LMO7: variants seen among roughly 807,000 people sequenced by gnomAD.
LMO7 encodes LIM domain 7.
LMO7 carries 120 observed loss-of-function variants against 206.5 expected under a neutral mutation model. That is an observed-to-expected ratio of 0.58 (90% CI 0.50 to 0.68). The LOEUF (loss-of-function observed/expected upper bound fraction) is 0.68. Among genes scored for constraint, LMO7 ranks in the 30% least tolerant of loss-of-function variants. LMO7 has a pLI of 0.00. For synonymous variants in LMO7, 706 were observed against 681.5 expected (o/e 1.04, Z -0.56); for missense variants, 1,959 against 1,957.9 (o/e 1.00, Z -0.01).
intron 23 of LMO7, 45 bp downstream of exon 23, chr13:75,841,246 G>T: frequency 2.4e-6 from 3 of 1,257,242 alleles, no homozygotes; most frequent in African/African-American, 1.5e-5. Context: ...TCTTTACCTT[G>T]TTGGTGAGAT....
chr13:75,741,269 A>G (rs569276593), intron 3 of LMO7, among the ~76,000 whole-genome samples: 1 of 152,364 alleles, frequency 6.6e-6, no homozygotes, highest in Non-Finnish European at 1.5e-5. Flanking sequence ...TAAAAACAAA[A>G]CACCAATAAC....
intron 26 of LMO7, among the ~76,000 whole-genome samples, chr13:75,845,964 A>G (rs2059961022): frequency 6.6e-6 from 1 of 152,194 alleles, no homozygotes. Flanking sequence ...CTGGTCATTT[A>G]CATGAATGAA....
intron 1 of LMO7, among the ~76,000 whole-genome samples, chr13:75,699,404 A>AT (rs57799165): frequency 0.031 from 4,444 of 141,786 alleles, 80 homozygotes; most frequent in Middle Eastern, 0.092. Context: ...AAGATAGAAG[A>AT]TTTTTTTTTT....
At position 75,856,489 on chromosome 13, in the gene LMO7, T is replaced by C; in HGVS notation, c.4771-17T>C. On this transcript the variant is annotated splice_polypyrimidine_tract_variant and intron_variant, in intron 29 of 30. Coordinates refer to ENST00000377534, the MANE Select transcript of LMO7 (RefSeq NM_001306080.2). ...GAGCTGACTGATTGTAGATGTTCTTTTTTTTTTGTTCCCCAGTGTGTTGCC... is the reference window on the plus strand; with the variant it reads ...GAGCTGACTGATTGTAGATGTTCTTCTTTTTTTGTTCCCCAGTGTGTTGCC... 6.5e-7 allele frequency: 1 copy of C among 1,532,940 alleles called. No individual in the cohort carries two copies. Among genetic ancestry groups the C allele is most frequent in the Non-Finnish European group, 9.0e-7 (1 of 1,107,656 alleles). The allele number at this position is 1,532,940 out of a possible 1,614,324, so 95.0% of individuals were successfully genotyped here. A position where few individuals can be genotyped will look rare whatever the true frequency, so the allele number is the denominator to read the frequency against.
At chr13:75,687,093 A>G (rs1002909855) in intron 1 of LMO7, among the ~76,000 whole-genome samples, 1 of 152,274 alleles carries the variant, frequency 6.6e-6, no homozygotes, top group Non-Finnish European at 1.5e-5. Flanking sequence ...CCATCCTGTC[A>G]GGAAGTGAGG....
chr13:75,726,901 A>T (rs2044526467), intron 2 of LMO7, 128 bp from the exon 3 acceptor site: 1 of 650,108 alleles, frequency 1.5e-6, no homozygotes, highest in Non-Finnish European at 2.8e-6. Flanking sequence ...TTGCTTTTTG[A>T]TGGGCTGTTG....
At position 75,841,608 on chromosome 13, in the gene LMO7, T is replaced by G. The variant is rs1463129581; in HGVS notation, c.3676-20T>G. The stretch of plus-strand genomic sequence containing the variant: ...AAATAAACAGATTTAGATGGATTTC[T>G]TTTTTCACTGGTCACCTAGGAACTG... On this transcript the variant is annotated intron_variant, in intron 23 of 30. Transcript: ENST00000377534. 1.3e-6 allele frequency: 2 copies of G among 1,517,948 alleles called. No homozygotes were observed. Among genetic ancestry groups the G allele is most frequent in the Non-Finnish European group, 1.8e-6 (2 of 1,116,010 alleles). The allele number at this position is 1,517,948 out of a possible 1,614,324, so 94.0% of individuals were successfully genotyped here. A position where few individuals can be genotyped will look rare whatever the true frequency, so the allele number is the denominator to read the frequency against.
chr13:75,838,576 A>G lies in LMO7; in HGVS notation c.3451+380A>G, dbSNP rs575428830. On this transcript the variant is annotated intron_variant, in intron 20 of 30. Coordinates refer to ENST00000377534, the MANE Select transcript of LMO7 (RefSeq NM_001306080.2). ...CTTCCTACAAATTGCATAATATTAG[A>G]TTACACCAACATGCAATTGGCCAAG... 2.2e-3 allele frequency: 499 copies of G among 222,512 alleles called. 3 individuals carry two copies. Among genetic ancestry groups the G allele is most frequent in the Non-Finnish European group, 3.4e-3 (385 of 112,284 alleles). 13.8% of individuals were successfully genotyped at this position (222,512 alleles called of 1,614,324 possible). A position where few individuals can be genotyped will look rare whatever the true frequency, so the allele number is the denominator to read the frequency against.
At chr13:75,765,173 G>A (rs942421581) in intron 4 of LMO7, among the ~76,000 whole-genome samples, 2 of 152,110 alleles carry the variant, frequency 1.3e-5, no homozygotes, top group Non-Finnish European at 2.9e-5. Flanking sequence ...GTTCCCAGAT[G>A]GCACTCTGTT....
At chr13:75,841,552 T>C (rs2059557935) in intron 23 of LMO7, 76 bp from the exon 24 acceptor site, 1 of 1,074,088 alleles carries the variant, frequency 9.3e-7, no homozygotes, top group Non-Finnish European at 1.4e-6. Flanking sequence ...CATCTAAAAC[T>C]GAATATATAT....
intron 1 of LMO7, among the ~76,000 whole-genome samples, chr13:75,667,346 A>G (rs2039159393): frequency 6.6e-6 from 1 of 151,984 alleles, no homozygotes; most frequent in Admixed American, 6.6e-5. Context: ...ATTTTATCAA[A>G]TATTATTTTC....
chr13:75,855,995 G>T (rs2060901717), intron 29 of LMO7, among the ~76,000 whole-genome samples: 2 of 152,208 alleles, frequency 1.3e-5, no homozygotes, highest in African/African-American at 2.4e-5. Context: ...GCTGGCTTGG[G>T]CTGTTCCTAG....
Position 75,845,355 on chromosome 13 carries a change from G to T in LMO7, c.4126G>T (p.Asp1376Tyr). Residue 1376 changes from aspartate (D) to tyrosine (Y), a missense_variant, in exon 26 of 31, where the codon GAT becomes TAT. By Grantham distance (160) the Asp-to-Tyr change is radical (BLOSUM62 -3). Coordinates refer to ENST00000377534, the MANE Select transcript of LMO7 (RefSeq NM_001306080.2). The part of the protein sequence containing the change: ...RNKSRSTTEL[D>Y]DYSTNKNGNN... ...TAAATCCAGATCTACTACTGAACTGGATGATTACTCCACAAATAAAAATGG... is the reference window on the plus strand; with the variant it reads ...TAAATCCAGATCTACTACTGAACTGTATGATTACTCCACAAATAAAAATGG... 1 of 1,583,478 alleles carries T rather than the reference G, an allele frequency of 6.3e-7. No homozygotes were observed. Among genetic ancestry groups the T allele is most frequent in the South Asian group, 1.1e-5 (1 of 88,712 alleles).
intron 4 of LMO7, among the ~76,000 whole-genome samples, chr13:75,789,377 A>G (rs2052925505): frequency 6.6e-6 from 1 of 152,162 alleles, no homozygotes; most frequent in Admixed American, 6.5e-5. Flanking sequence ...CAGGCCTTCC[A>G]GCGTTGCAAA....
At position 75,690,813 on chromosome 13, in the gene LMO7, A is replaced by G. The variant is rs1029941018; in HGVS notation, c.70-22369A>G. Among the ~76,000 whole-genome samples, 11 of 152,354 alleles carry G rather than the reference A, an allele frequency of 7.2e-5. No homozygotes were observed. The East Asian group carries it at 1.7e-3, about 24-fold the overall frequency. Reference sequence around the variant, plus strand: ...GGGTTTGTCAGTTCGTTTGTCTTCCACATTACTTTTAGCATAGTACTGAGG... The same window carrying G: ...GGGTTTGTCAGTTCGTTTGTCTTCCGCATTACTTTTAGCATAGTACTGAGG... On this transcript the variant is annotated intron_variant, in intron 1 of 30. Transcript: ENST00000377534.
chr13:75,828,331 G>A (rs1015442003), intron 15 of LMO7, among the ~76,000 whole-genome samples: 2 of 152,152 alleles, frequency 1.3e-5, no homozygotes, highest in Admixed American at 1.3e-4. Context: ...ACTTGCCCCA[G>A]GCTGGTGAAA....
intron 3 of LMO7, among the ~76,000 whole-genome samples, chr13:75,735,675 CA>C (rs1303351878): frequency 6.6e-6 from 1 of 151,070 alleles, no homozygotes; most frequent in African/African-American, 2.4e-5. Flanking sequence ...AGGGTTTCAC[CA>C]CGTTGGCCCG....
chr13:75,725,374 A>T (rs1413878701), intron 2 of LMO7, among the ~76,000 whole-genome samples: 1 of 152,106 alleles, frequency 6.6e-6, no homozygotes, highest in Non-Finnish European at 1.5e-5. Context: ...TTCAAAATAC[A>T]CGTTACTATA....
intron 19 of LMO7, 62 bp from the exon 20 acceptor site, chr13:75,838,078 T>A: frequency 2.0e-6 from 2 of 1,003,014 alleles, no homozygotes; most frequent in South Asian, 2.7e-5. Context: ...CAAGTATCGT[T>A]TAATTTACCA....
Sources: gnomAD v4.1 joint callset for allele counts (sites outside exome capture counted in the v4.1 genomes callset) on GRCh38, gnomAD v4.1.1 for gene constraint, MANE v1.5 for transcripts, NCBI Gene and HGNC (gene_info 2026-07-23, HGNC 2026-07-21) for gene names.